CLDN10: variants seen among roughly 807,000 people sequenced by gnomAD.
CLDN10 encodes the protein claudin 10.
A neutral mutation model predicts 22.9 loss-of-function variants in CLDN10; 15 were observed. The ratio of observed to expected loss-of-function variants is 0.65; its 90% CI spans 0.44 to 1.01. CLDN10 has a LOEUF of 1.01. Among genes scored for constraint, CLDN10 ranks in the 50% least tolerant of loss-of-function variants. CLDN10 has a pLI of 0.00. For synonymous variants in CLDN10, 114 were observed against 111.4 expected, an observed-to-expected ratio of 1.02 and a Z score of -0.15; for missense variants, 247 against 287.8, an observed-to-expected ratio of 0.86 and a Z score of 1.03.
intron 1 of CLDN10, among the ~76,000 whole-genome samples, chr13:95,554,398 G>C (rs933224316): frequency 7.1e-6 from 1 of 140,358 alleles, no homozygotes; most frequent in Non-Finnish European, 1.5e-5. Context: ...TGGGGGACAA[G>C]GGAGAGAAGG....
intron 1 of CLDN10, among the ~76,000 whole-genome samples, chr13:95,458,860 C>T (rs1420016958): frequency 6.6e-6 from 1 of 152,150 alleles, no homozygotes; most frequent in African/African-American, 2.4e-5. Flanking sequence ...TCCAAAGTCT[C>T]ATCTGAAACA....
chr13:95,496,422 T>C (rs1190568129), intron 1 of CLDN10, among the ~76,000 whole-genome samples: 2 of 152,240 alleles, frequency 1.3e-5, no homozygotes, highest in Non-Finnish European at 2.9e-5. Context: ...GATAGGAAGA[T>C]AGTACTGTAT....
chr13:95,527,893 T>C (rs969116714), intron 1 of CLDN10, among the ~76,000 whole-genome samples: 1 of 152,038 alleles, frequency 6.6e-6, no homozygotes, highest in African/African-American at 2.4e-5. Flanking sequence ...TAGGGAAAAG[T>C]TTTTTGCTAT....
chr13:95,507,171 G>T (rs576374656), intron 1 of CLDN10, among the ~76,000 whole-genome samples: 199 of 152,298 alleles, frequency 1.3e-3, no homozygotes, highest in African/African-American at 4.6e-3. Context: ...TGATCGATTT[G>T]TGAATTTTGG....
chr13:95,522,450 T>C (rs1283594329), intron 1 of CLDN10, among the ~76,000 whole-genome samples: 1 of 152,112 alleles, frequency 6.6e-6, no homozygotes, highest in Non-Finnish European at 1.5e-5. Flanking sequence ...CTTGATTTTA[T>C]TGCAGTCAGA....
chr13:95,535,717 C>T (rs1478255451), intron 1 of CLDN10, among the ~76,000 whole-genome samples: 1 of 152,014 alleles, frequency 6.6e-6, no homozygotes, highest in African/African-American at 2.4e-5. Flanking sequence ...TATGGAGCCA[C>T]CAGTTGGTTC....
At chr13:95,529,296 T>G (rs909780219) in intron 1 of CLDN10, among the ~76,000 whole-genome samples, 4 of 152,192 alleles carry the variant, frequency 2.6e-5, no homozygotes, top group Non-Finnish European at 5.9e-5. Context: ...GTGCTTTCTT[T>G]TCCTTTGATT....
intron 1 of CLDN10, among the ~76,000 whole-genome samples, chr13:95,546,881 T>G (rs2138632382): frequency 6.6e-6 from 1 of 152,260 alleles, no homozygotes; most frequent in East Asian, 1.9e-4. Context: ...TTATCTTTAT[T>G]TCTTGCCCCT....
intron 1 of CLDN10, among the ~76,000 whole-genome samples, chr13:95,454,381 C>T (rs972847599): frequency 6.6e-6 from 1 of 151,928 alleles, no homozygotes; most frequent in Non-Finnish European, 1.5e-5. Flanking sequence ...GTGGAGGTTG[C>T]AGTGAGATTG....
intron 3 of CLDN10, among the ~76,000 whole-genome samples, chr13:95,565,531 T>C (rs2043775575): frequency 6.6e-6 from 1 of 152,248 alleles, no homozygotes; most frequent in Non-Finnish European, 1.5e-5. Context: ...ATTCCTGGCA[T>C]GTATTTGGTT....
chr13:95,480,118 G>A lies in CLDN10; in HGVS notation c.214+46071G>A, dbSNP rs370076479. Among the ~76,000 whole-genome samples the A allele has an allele frequency of 7.6e-4, 115 of 152,262 alleles. 1 individual carries two copies. The Middle Eastern group carries it at 0.014, about 18-fold the overall frequency. ...TGGCAGGGAAGAGAAAACTTGTGCG[G>A]GGGAGCTCCTTCTTATAGAACCATC... On this transcript the variant is annotated intron_variant, in intron 1 of 4. Coordinates refer to the CLDN10 transcript ENST00000376873.
chr13:95,436,408 C>T lies in CLDN10; in HGVS notation c.214+2361C>T, dbSNP rs938675929. Among the ~76,000 whole-genome samples, 3 of 152,238 alleles carry T rather than the reference C, an allele frequency of 2.0e-5. No individual in the cohort carries two copies. In the East Asian group the frequency reaches 5.8e-4, roughly 29 times the overall value. ...CTATGTTACCTAGGCTAGTGTTGAACTCCTGGGCTCAAGCAATCCTACTGC... is the reference window on the plus strand; with the variant it reads ...CTATGTTACCTAGGCTAGTGTTGAATTCCTGGGCTCAAGCAATCCTACTGC... On this transcript the variant is annotated intron_variant, in intron 1 of 4. Transcript: ENST00000376873.
chr13:95,545,363 G>A (rs1180517666), intron 1 of CLDN10, among the ~76,000 whole-genome samples: 1 of 151,832 alleles, frequency 6.6e-6, no homozygotes, highest in Non-Finnish European at 1.5e-5. Flanking sequence ...GACCAACATG[G>A]AGAAACCCTG....
chr13:95,551,088 T>C (rs939753901), upstream of CLDN10, among the ~76,000 whole-genome samples: 8 of 152,092 alleles, frequency 5.3e-5, no homozygotes, highest in African/African-American at 1.9e-4. Flanking sequence ...GTCTGCATTG[T>C]CACCCTTGTA....
intron 1 of CLDN10, among the ~76,000 whole-genome samples, chr13:95,441,466 A>G (rs1398932533): frequency 6.6e-6 from 1 of 151,706 alleles, no homozygotes; most frequent in East Asian, 1.9e-4. Context: ...TTTATCTCAA[A>G]CTCCTGGCTT....
chr13:95,463,286 ATATATATATATATATATATAT>A (rs1421075655), intron 1 of CLDN10, among the ~76,000 whole-genome samples: 1 of 22,336 alleles, frequency 4.5e-5, no homozygotes, highest in Non-Finnish European at 7.0e-5. Context: ...CAAATGCTTA[ATATATATATATATATATATAT>A]ATATATATAT....
chr13:95,505,955 G>A (rs959626263), intron 1 of CLDN10, among the ~76,000 whole-genome samples: 2 of 152,032 alleles, frequency 1.3e-5, no homozygotes, highest in African/African-American at 4.8e-5. Flanking sequence ...GGCCAGGCTG[G>A]TCTTGAACTC....
At chr13:95,506,059 G>A (rs1441671054) in intron 1 of CLDN10, among the ~76,000 whole-genome samples, 1 of 152,132 alleles carries the variant, frequency 6.6e-6, no homozygotes, top group Non-Finnish European at 1.5e-5. Flanking sequence ...CTTCAAAGGA[G>A]AACTAATTAA....
In CLDN10 at chr13:95,434,741, T is replaced by A. The variant is rs575031203; in HGVS notation, c.214+694T>A. ...TTTAAAACAATCCAACCACTTCCAC[T>A]CTTTCCTTTGGAGTCACACTGAGCA... is the stretch of plus-strand genomic sequence containing the variant. On this transcript the variant is annotated intron_variant, in intron 1 of 4. Coordinates refer to the CLDN10 transcript ENST00000376873. Among the ~76,000 whole-genome samples, 150 of 152,178 alleles carry A rather than the reference T, an allele frequency of 9.9e-4. 3 individuals are homozygous for A. In the South Asian group the frequency reaches 0.025, roughly 25 times the overall value.
Sources: gnomAD v4.1 joint callset for allele counts (sites outside exome capture counted in the v4.1 genomes callset) on GRCh38, gnomAD v4.1.1 for gene constraint, MANE v1.5 for transcripts, NCBI Gene and HGNC (gene_info 2026-07-23, HGNC 2026-07-21) for gene names.